EBF2: variants seen among roughly 807,000 people sequenced by gnomAD.
EBF2 encodes EBF transcription factor 2, also known as transcription factor COE2.
In EBF2, 21 loss-of-function variants were observed where a neutral mutation model predicts 72.8. The ratio of observed to expected loss-of-function variants is 0.29; its 90% confidence interval spans 0.20 to 0.42. The LOEUF (loss-of-function observed/expected upper bound fraction) is 0.42. Ranked by LOEUF, EBF2 falls within the 10% of genes least tolerant of loss-of-function variation. The pLI, the probability that EBF2 is intolerant of heterozygous loss-of-function variation, is 1.00. For missense variants in EBF2, 637 were observed against 731.2 expected, an observed-to-expected ratio of 0.87 and a Z score of 1.49; for synonymous variants, 299 against 274.2, an observed-to-expected ratio of 1.09 and a Z score of -0.89.
Position 25,887,872 on chromosome 8 carries a change from C to T in EBF2, c.852G>A (p.Val284=), listed in dbSNP as rs1418489453. 6.2e-7 allele frequency: 1 copy of T among 1,613,364 alleles called. No individual in the cohort carries two copies. Among genetic ancestry groups the T allele is most frequent in the Non-Finnish European group, 8.5e-7 (1 of 1,179,666 alleles). The change falls in exon 9 of 16, where the codon GTG becomes GTA. Residue 284 remains valine (V), a synonymous_variant. Coordinates refer to ENST00000520164, the MANE Select transcript of EBF2 (RefSeq NM_022659.4). The part of the protein sequence containing the change: ...IGDNFFDGLQ[V]VFGTMLVWSE... ...TCCATACAAGCATAGTCCCAAACAC[C>T]ACTTGGAGACCATCAAAGAAGTTGT...
At chr8:25,915,913 G>A (rs892107156) in intron 6 of EBF2, among the ~76,000 whole-genome samples, 17 of 152,100 alleles carry the variant, frequency 1.1e-4, no homozygotes, top group African/African-American at 3.9e-4. Flanking sequence ...CCAAGCCCAC[G>A]TGATTTCATA....
At chr8:26,022,542 G>C (rs926740766) in intron 6 of EBF2, among the ~76,000 whole-genome samples, 2 of 152,090 alleles carry the variant, frequency 1.3e-5, no homozygotes, top group African/African-American at 4.8e-5. Flanking sequence ...GGCTACTTAG[G>C]GGCTTTTTAA....
At chr8:25,932,177 C>T (rs1194751042) in intron 6 of EBF2, among the ~76,000 whole-genome samples, 5 of 152,052 alleles carry the variant, frequency 3.3e-5, no homozygotes, top group East Asian at 1.9e-4. Flanking sequence ...ACTAGCTGTG[C>T]GACCTTAGGT....
intron 5 of EBF2, among the ~76,000 whole-genome samples, chr8:26,037,220 A>G (rs1009067299): frequency 3.2e-4 from 49 of 152,278 alleles, no homozygotes; most frequent in African/African-American, 1.2e-3. Context: ...CACAATCCTG[A>G]ATCATACCTG....
At chr8:25,862,576 G>T in intron 11 of EBF2, 133 bp downstream of exon 11, 1 of 476,776 alleles carries the variant, frequency 2.1e-6, no homozygotes, top group East Asian at 3.3e-5. Flanking sequence ...TATTTTATGT[G>T]CATCTCGTAT....
chr8:25,965,751 G>A (rs1475249060), intron 6 of EBF2, among the ~76,000 whole-genome samples: 2 of 152,114 alleles, frequency 1.3e-5, no homozygotes, highest in Admixed American at 6.6e-5. Context: ...CTCACTGTAG[G>A]GCCCTAGAGT....
At chr8:25,850,805 C>A in intron 14 of EBF2, 44 bp from the exon 15 acceptor site, 1 of 1,533,994 alleles carries the variant, frequency 6.5e-7, no homozygotes, top group South Asian at 1.3e-5. Context: ...TTAAGATCTT[C>A]CTTCAGTTCA....
intron 6 of EBF2, among the ~76,000 whole-genome samples, chr8:26,023,179 T>C (rs998175086): frequency 2.0e-5 from 3 of 152,210 alleles, no homozygotes; most frequent in African/African-American, 7.2e-5. Context: ...ACTGGCAGTT[T>C]TGGGAGGTCC....
At chr8:25,955,228 T>C (rs1309814394) in intron 6 of EBF2, among the ~76,000 whole-genome samples, 1 of 152,072 alleles carries the variant, frequency 6.6e-6, no homozygotes, top group Non-Finnish European at 1.5e-5. Context: ...GTGCTGGGAG[T>C]TGCTGCCAGG....
intron 7 of EBF2, among the ~76,000 whole-genome samples, chr8:25,905,150 T>G (rs1803014054): frequency 6.6e-6 from 1 of 152,040 alleles, no homozygotes; most frequent in Non-Finnish European, 1.5e-5. Context: ...ATGAGATACC[T>G]CTTCACACCC....
chr8:26,042,003 G>T, intron 2 of EBF2, 92 bp downstream of exon 2: 1 of 1,530,026 alleles, frequency 6.5e-7, no homozygotes, highest in Non-Finnish European at 8.9e-7. Flanking sequence ...GGTGAGAGTG[G>T]AAAAGTGTCG....
At chr8:26,039,996 T>G in intron 5 of EBF2, 32 bp downstream of exon 5, 3 of 1,610,170 alleles carry the variant, frequency 1.9e-6, no homozygotes, top group Non-Finnish European at 2.5e-6. Flanking sequence ...CTGCGGGCTC[T>G]CCAGGAAGGC....
intron 7 of EBF2, among the ~76,000 whole-genome samples, chr8:25,896,781 G>A (rs532145902): frequency 6.6e-6 from 1 of 152,264 alleles, no homozygotes; most frequent in East Asian, 1.9e-4. Context: ...TTCTCATCAT[G>A]GACAAGGTGA....
chr8:25,957,805 G>A (rs963384926), intron 6 of EBF2, among the ~76,000 whole-genome samples: 1 of 152,208 alleles, frequency 6.6e-6, no homozygotes, highest in Non-Finnish European at 1.5e-5. Context: ...GTTCAAGATC[G>A]TGGTGAACCA....
At chr8:25,919,432 C>T (rs962750622) in intron 6 of EBF2, among the ~76,000 whole-genome samples, 2 of 152,110 alleles carry the variant, frequency 1.3e-5, no homozygotes, top group African/African-American at 4.8e-5. Flanking sequence ...CTGGCCCTTC[C>T]ACTCAGCAAA....
Position 25,852,425 on chromosome 8 carries a change from C to T in EBF2, c.1529-1664G>A, listed in dbSNP as rs116192601. Among the ~76,000 whole-genome samples the T allele has an allele frequency of 7.9e-3, 1,201 of 152,268 alleles. 15 individuals are homozygous for T. The highest frequency in any genetic ancestry group is 0.027 in the African/African-American group (1,138 of 41,538). On this transcript the variant is annotated intron_variant, in intron 14 of 15. Transcript: ENST00000520164. Reference sequence around the variant, plus strand: ...GATTCTACCATGGTCCCCCAAATGGCGCCTTGGTTTCCCTGTCTACAACAG... The same window carrying T: ...GATTCTACCATGGTCCCCCAAATGGTGCCTTGGTTTCCCTGTCTACAACAG...
chr8:25,874,700 T>C (rs1802491911), intron 10 of EBF2, among the ~76,000 whole-genome samples: 1 of 152,028 alleles, frequency 6.6e-6, no homozygotes, highest in Non-Finnish European at 1.5e-5. Context: ...ATTTATTTAT[T>C]TAAGAAACAA....
intron 6 of EBF2, among the ~76,000 whole-genome samples, chr8:25,933,518 C>T (rs983264935): frequency 1.3e-5 from 2 of 151,972 alleles, no homozygotes; most frequent in African/African-American, 2.4e-5. Context: ...GGCTGTATGG[C>T]GATATAGATC....
intron 6 of EBF2, among the ~76,000 whole-genome samples, chr8:25,936,930 T>A (rs1156823006): frequency 6.6e-6 from 1 of 151,648 alleles, no homozygotes; most frequent in Non-Finnish European, 1.5e-5. Flanking sequence ...CACAGTATAG[T>A]TCTTCTCCAC....
Sources: gnomAD v4.1 joint callset for allele counts (sites outside exome capture counted in the v4.1 genomes callset) on GRCh38, gnomAD v4.1.1 for gene constraint, MANE v1.5 for transcripts, NCBI Gene and HGNC (gene_info 2026-07-23, HGNC 2026-07-21) for gene names.